Variants in RANBP2 observed in about 807,000 individuals in gnomAD.
The protein encoded by RANBP2 is RAN binding protein 2.
In RANBP2, 57 loss-of-function variants were observed where a neutral mutation model predicts 303.6. That is an observed-to-expected ratio of 0.19 (90% CI 0.15 to 0.23). The LOEUF (loss-of-function observed/expected upper bound fraction) is 0.23. Among genes scored for constraint, RANBP2 ranks in the 10% least tolerant of loss-of-function variants. The probability of loss-of-function intolerance (pLI) is 1.00; values close to 1 mark genes in which losing one functional copy is unlikely to be tolerated. For synonymous variants in RANBP2, 1,167 were observed against 1,301.5 expected (o/e 0.90, Z 2.23); for missense variants, 3,138 against 3,780.8 (o/e 0.83, Z 4.46).
At chr2:109,298,304 G>A in the RANBP2 span, among the ~76,000 whole-genome samples, 1 of 133,384 alleles carries the variant, frequency 7.5e-6, no homozygotes, top group African/African-American at 2.6e-5. Flanking sequence ...TAGACAGGCG[G>A]GAAGGGAAGC....
chr2:109,641,018 C>T, the RANBP2 span, among the ~76,000 whole-genome samples: 7 of 152,076 alleles, frequency 4.6e-5, no homozygotes, highest in African/African-American at 1.7e-4. Context: ...TTTGGGATGT[C>T]TAAAAAGTAC....
chr2:108,837,974 G>A, the RANBP2 span, among the ~76,000 whole-genome samples: 1 of 151,936 alleles, frequency 6.6e-6, no homozygotes, highest in South Asian at 2.1e-4. Flanking sequence ...AGGAAGACAG[G>A]AGTCAAGGGG....
the RANBP2 span, among the ~76,000 whole-genome samples, chr2:109,476,649 A>G: frequency 6.6e-6 from 1 of 152,240 alleles, no homozygotes; most frequent in Admixed American, 6.5e-5. Context: ...CCAGATCCCA[A>G]GAGAGGGTTC....
the RANBP2 span, among the ~76,000 whole-genome samples, chr2:109,269,891 G>T: frequency 6.6e-6 from 1 of 152,250 alleles, no homozygotes; most frequent in Non-Finnish European, 1.5e-5. Context: ...CTCAGTCCCA[G>T]TGTCCCCTCA....
At chr2:109,013,893 A>G in the RANBP2 span, among the ~76,000 whole-genome samples, 3 of 152,062 alleles carry the variant, frequency 2.0e-5, no homozygotes. Flanking sequence ...AATCATTCTT[A>G]ATGGCTTATG....
At chr2:109,698,914 C>T in the RANBP2 span, among the ~76,000 whole-genome samples, 2 of 152,220 alleles carry the variant, frequency 1.3e-5, no homozygotes, top group Non-Finnish European at 2.9e-5. Flanking sequence ...CACAGTGAGA[C>T]TCCGTCTCAA....
the RANBP2 span, among the ~76,000 whole-genome samples, chr2:109,572,812 TC>T: frequency 6.6e-6 from 1 of 151,886 alleles, no homozygotes; most frequent in South Asian, 2.1e-4. Context: ...AGACAAGGTT[TC>T]ACTATGTTGG....
At chr2:109,182,609 T>A in the RANBP2 span, among the ~76,000 whole-genome samples, 3 of 152,198 alleles carry the variant, frequency 2.0e-5, no homozygotes, top group Non-Finnish European at 4.4e-5. Flanking sequence ...TGAATCGATG[T>A]TGCGTAAATT....
chr2:109,153,784 G>A, the RANBP2 span, among the ~76,000 whole-genome samples: 76 of 152,248 alleles, frequency 5.0e-4, no homozygotes, highest in Admixed American at 5.2e-4. Context: ...ACCACCCCCC[G>A]ACCCCCGATG....
intron 4 of RANBP2, among the ~76,000 whole-genome samples, chr2:108,734,920 G>A (rs184126423): frequency 3.7e-4 from 56 of 152,282 alleles, no homozygotes; most frequent in African/African-American, 1.3e-3. Context: ...AGCCGGGCAC[G>A]GTGGTGCATG....
chr2:109,084,263 A>C, the RANBP2 span, among the ~76,000 whole-genome samples: 1 of 152,256 alleles, frequency 6.6e-6, no homozygotes, highest in Non-Finnish European at 1.5e-5. Flanking sequence ...AACGTCAACC[A>C]AACTCATCTG....
chr2:109,044,482 C>T, the RANBP2 span, among the ~76,000 whole-genome samples: 1 of 151,952 alleles, frequency 6.6e-6, no homozygotes, highest in South Asian at 2.1e-4. Context: ...GAGATGGCGC[C>T]ACTGCACTGC....
chr2:108,856,937 A>G, the RANBP2 span: 3 of 1,609,172 alleles, frequency 1.9e-6, no homozygotes, highest in Non-Finnish European at 2.5e-6. Flanking sequence ...GTCTAATGTT[A>G]TTGATAGTTT....
At position 108,741,234 on chromosome 2, in the gene RANBP2, G is replaced by C. The variant is rs563289072; in HGVS notation, c.975+553G>C. Among the ~76,000 whole-genome samples, 3 of 152,018 alleles carry C rather than the reference G, an allele frequency of 2.0e-5. No homozygotes were observed. In the East Asian group the frequency reaches 5.8e-4, roughly 29 times the overall value. ...ATTTTTTTTGAGACCAAGTCTCTCT[G>C]TCACCAGGCTGGAGTGCAGTGGCGT... On this transcript the variant is annotated intron_variant, in intron 7 of 28. Coordinates refer to ENST00000283195, the MANE Select transcript of RANBP2 (RefSeq NM_006267.5).
the RANBP2 span, among the ~76,000 whole-genome samples, chr2:109,221,293 A>T: frequency 6.6e-6 from 1 of 151,964 alleles, no homozygotes; most frequent in African/African-American, 2.4e-5. Context: ...TTTAATGTGC[A>T]TCTTCCTGGC....
the RANBP2 span, among the ~76,000 whole-genome samples, chr2:109,325,261 A>C: frequency 6.6e-6 from 1 of 152,016 alleles, no homozygotes; most frequent in East Asian, 1.9e-4. Flanking sequence ...AGAGTAAGCC[A>C]AGAAATCGTA....
the RANBP2 span, among the ~76,000 whole-genome samples, chr2:109,448,101 G>A: frequency 6.6e-6 from 1 of 152,154 alleles, no homozygotes; most frequent in East Asian, 1.9e-4. Context: ...ACCCAGTGTG[G>A]AAACCAAGGA....
chr2:109,615,291 G>T, the RANBP2 span: 2 of 1,597,014 alleles, frequency 1.3e-6, no homozygotes, highest in Non-Finnish European at 1.7e-6. Flanking sequence ...GGACCCCCTG[G>T]AGCACGCGTG....
At chr2:109,298,420 G>A in the RANBP2 span, among the ~76,000 whole-genome samples, 162 of 152,240 alleles carry the variant, frequency 1.1e-3, no homozygotes, top group African/African-American at 3.7e-3. Context: ...AGTTCCCATG[G>A]TCTGTGGGTC....
Sources: gnomAD v4.1 joint callset for allele counts (sites outside exome capture counted in the v4.1 genomes callset) on GRCh38, gnomAD v4.1.1 for gene constraint, MANE v1.5 for transcripts, NCBI Gene and HGNC (gene_info 2026-07-23, HGNC 2026-07-21) for gene names.